C8orf34: variants seen among roughly 807,000 people sequenced by gnomAD.
The protein encoded by C8orf34 is chromosome 8 open reading frame 34.
C8orf34 carries 65 observed loss-of-function variants against 68.3 expected under a neutral mutation model. The ratio of observed to expected loss-of-function variants is 0.95; its 90% CI spans 0.78 to 1.17. The LOEUF (loss-of-function observed/expected upper bound fraction) is 1.17. Ranked by LOEUF, C8orf34 falls within the 50% of genes most tolerant of loss-of-function variation. The pLI, the probability that C8orf34 is intolerant of heterozygous loss-of-function variation, is 0.00. For synonymous variants in C8orf34, 244 were observed against 241.2 expected (o/e 1.01, Z -0.11); for missense variants, 664 against 655.4 (o/e 1.01, Z -0.14).
chr8:68,402,881 A>G (rs1300860512), intron 1 of C8orf34, among the ~76,000 whole-genome samples: 1 of 152,152 alleles, frequency 6.6e-6, no homozygotes, highest in African/African-American at 2.4e-5. Context: ...TTTCCATTTG[A>G]TAACAATGGC....
At chr8:68,811,854 A>AT (rs542297407) in intron 12 of C8orf34, among the ~76,000 whole-genome samples, 4 of 152,194 alleles carry the variant, frequency 2.6e-5, no homozygotes, top group Admixed American at 6.5e-5. Context: ...TTTGTTAAAT[A>AT]TTTTTTCCCA....
intron 7 of C8orf34, among the ~76,000 whole-genome samples, chr8:68,603,509 G>A (rs1259443584): frequency 8.3e-6 from 1 of 121,210 alleles, no homozygotes; most frequent in Non-Finnish European, 1.6e-5. Flanking sequence ...GTATGTATAT[G>A]TATATATACA....
At chr8:68,808,795 A>G (rs7014646) in intron 12 of C8orf34, among the ~76,000 whole-genome samples, 50,653 of 151,844 alleles carry the variant, frequency 0.33, 10,119 homozygotes, top group African/African-American at 0.55. Flanking sequence ...TAGGACAACT[A>G]TATTTAGTTT....
chr8:68,741,776 A>G (rs1035404621), intron 10 of C8orf34, among the ~76,000 whole-genome samples: 2 of 152,186 alleles, frequency 1.3e-5, no homozygotes, highest in Non-Finnish European at 2.9e-5. Flanking sequence ...CTCCAGATCC[A>G]TCCATGTTGT....
chr8:68,707,260 G>C (rs1009728705), intron 8 of C8orf34, among the ~76,000 whole-genome samples: 1 of 152,100 alleles, frequency 6.6e-6, no homozygotes, highest in South Asian at 2.1e-4. Context: ...CCAAGTCACA[G>C]TAAACTCAGC....
intron 7 of C8orf34, among the ~76,000 whole-genome samples, chr8:68,597,589 T>A (rs1817582403): frequency 6.6e-6 from 1 of 151,894 alleles, no homozygotes; most frequent in East Asian, 1.9e-4. Flanking sequence ...TGTGTGTGTG[T>A]GTGTGTGTGT....
At chr8:68,620,714 A>G (rs1296149053) in intron 7 of C8orf34, among the ~76,000 whole-genome samples, 2 of 151,932 alleles carry the variant, frequency 1.3e-5, no homozygotes, top group Non-Finnish European at 2.9e-5. Flanking sequence ...GAAAAAGAAA[A>G]TGTTTAAGCC....
At position 68,772,793 on chromosome 8, in the gene C8orf34, C is replaced by T. The variant is rs893768030; in HGVS notation, c.1405-3606C>T. 2.1e-5 allele frequency among the ~76,000 whole-genome samples: 3 copies of T among 144,950 alleles called. No individual in the cohort carries two copies. In the South Asian group the frequency reaches 6.7e-4, roughly 32 times the overall value. Reference sequence around the variant, plus strand: ...TCCTTCCTTCTTTCTTTCTTTCCCTCCCTCCCTCCTTTCTTTCTTTCTTTC... The same window carrying T: ...TCCTTCCTTCTTTCTTTCTTTCCCTTCCTCCCTCCTTTCTTTCTTTCTTTC... On this transcript the variant is annotated intron_variant, in intron 10 of 13. Transcript: ENST00000518698.
At chr8:68,743,964 C>A (rs1411037058) in intron 10 of C8orf34, among the ~76,000 whole-genome samples, 18 of 149,946 alleles carry the variant, frequency 1.2e-4, no homozygotes, top group South Asian at 4.2e-4. Context: ...GCAGTAACCT[C>A]TGCAGACTTA....
chr8:68,416,366 A>T (rs1809665107), intron 1 of C8orf34, among the ~76,000 whole-genome samples: 1 of 152,164 alleles, frequency 6.6e-6, no homozygotes, highest in African/African-American at 2.4e-5. Flanking sequence ...CTAGAATACA[A>T]CCTTTCTAGA....
chr8:68,602,288 G>A (rs372108270), intron 7 of C8orf34, among the ~76,000 whole-genome samples: 1 of 152,080 alleles, frequency 6.6e-6, no homozygotes, highest in Non-Finnish European at 1.5e-5. Flanking sequence ...CCATTGTTGG[G>A]GAGTGTATTA....
intron 10 of C8orf34, among the ~76,000 whole-genome samples, chr8:68,749,705 A>G (rs1822642354): frequency 6.6e-6 from 1 of 152,154 alleles, no homozygotes; most frequent in African/African-American, 2.4e-5. Flanking sequence ...TGTATATGTT[A>G]TTTTAGGTCT....
intron 1 of C8orf34, among the ~76,000 whole-genome samples, chr8:68,346,629 C>T (rs1222782323): frequency 6.6e-6 from 1 of 152,000 alleles, no homozygotes; most frequent in Non-Finnish European, 1.5e-5. Context: ...ATCCTGGCAA[C>T]CTCTGATCTT....
At position 68,577,531 on chromosome 8, in the gene C8orf34, AT is replaced by A. The variant is rs1289348997; in HGVS notation, c.1105+44383del. Among the ~76,000 whole-genome samples the A allele has an allele frequency of 2.6e-5, 4 of 152,024 alleles. No individual in the cohort carries two copies. In the East Asian group the frequency reaches 7.7e-4, roughly 29 times the overall value. ...TTACAGTAGGATATTTAAAATTATTATATGCATTATTAAAAAGAGAATGAAT... is the reference window on the plus strand; with the variant it reads ...TTACAGTAGGATATTTAAAATTATTAATGCATTATTAAAAAGAGAATGAAT... On this transcript the variant is annotated intron_variant, in intron 7 of 13. Transcript: ENST00000518698.
At chr8:68,417,752 G>T (rs1158476505) in intron 1 of C8orf34, among the ~76,000 whole-genome samples, 1 of 152,028 alleles carries the variant, frequency 6.6e-6, no homozygotes, top group African/African-American at 2.4e-5. Context: ...TGTTCTTTTG[G>T]CTTAGGATTG....
At chr8:68,732,924 C>T (rs1822021950) in intron 10 of C8orf34, among the ~76,000 whole-genome samples, 2 of 152,090 alleles carry the variant, frequency 1.3e-5, no homozygotes, top group African/African-American at 4.8e-5. Context: ...ATTAGCTGGG[C>T]ATGGTGGCAG....
intron 7 of C8orf34, among the ~76,000 whole-genome samples, chr8:68,604,354 TC>T (rs1817790940): frequency 5.3e-5 from 8 of 151,768 alleles, no homozygotes; most frequent in African/African-American, 1.9e-4. Flanking sequence ...AAAATAAAAT[TC>T]AGGAATAAAA....
At chr8:68,571,165 A>G (rs982062715) in intron 7 of C8orf34, among the ~76,000 whole-genome samples, 5 of 152,144 alleles carry the variant, frequency 3.3e-5, no homozygotes. Flanking sequence ...AGCAATCTCA[A>G]GAAAGCCATG....
intron 12 of C8orf34, 118 bp downstream of exon 12, chr8:68,787,654 T>C (rs1823882798): frequency 3.2e-6 from 2 of 617,090 alleles, no homozygotes; most frequent in South Asian, 4.9e-5. Flanking sequence ...ATCCAGACTC[T>C]GTTAGGAAGA....
Sources: allele counts gnomAD v4.1 joint callset (sites outside exome capture counted in the v4.1 genomes callset), GRCh38; gene constraint gnomAD v4.1.1; transcripts MANE v1.5; gene names NCBI Gene and HGNC (gene_info 2026-07-23, HGNC 2026-07-21).